PDIA5: variants seen among roughly 807,000 people sequenced by gnomAD.
The protein encoded by PDIA5 is protein disulfide-isomerase A5.
PDIA5 carries 58 observed loss-of-function variants against 77.6 expected under a neutral mutation model. The ratio of observed to expected loss-of-function variants is 0.75; its 90% CI spans 0.61 to 0.93. The LOEUF (loss-of-function observed/expected upper bound fraction) is 0.93, where lower values mean the gene tolerates loss of function less well. PDIA5 is among the 40% of genes least tolerant of loss of function. PDIA5 has a pLI of 0.00. For synonymous variants in PDIA5, 250 were observed against 252.1 expected, an observed-to-expected ratio of 0.99 and a Z score of 0.08; for missense variants, 630 against 647.7, an observed-to-expected ratio of 0.97 and a Z score of 0.30.
chr3:123,096,092 T>G (rs1934429453), intron 3 of PDIA5, among the ~76,000 whole-genome samples: 1 of 152,092 alleles, frequency 6.6e-6, no homozygotes, highest in African/African-American at 2.4e-5. Context: ...GTGCCTATCC[T>G]TCTCTCTGAG....
intron 3 of PDIA5, among the ~76,000 whole-genome samples, chr3:123,101,164 GC>G (rs897190285): frequency 2.6e-5 from 4 of 152,224 alleles, no homozygotes; most frequent in African/African-American, 9.7e-5. Context: ...AAGAACATGA[GC>G]CAGTGAAGGA....
intron 10 of PDIA5, among the ~76,000 whole-genome samples, chr3:123,126,648 C>T (rs917976496): frequency 6.6e-6 from 1 of 152,194 alleles, no homozygotes; most frequent in African/African-American, 2.4e-5. Context: ...TCCTTTTGGG[C>T]AGTAGTGACC....
In PDIA5 at chr3:123,124,379, C is replaced by G. The variant is rs758199626; in HGVS notation, c.773+36C>G. 4.0e-6 allele frequency: 6 copies of G among 1,501,654 alleles called. No individual in the cohort carries two copies. The Admixed American group carries it at 8.4e-5, about 21-fold the overall frequency. 93.0% of individuals were successfully genotyped at this position (1,501,654 alleles called of 1,614,324 possible). On this transcript the variant is annotated intron_variant, in intron 10 of 16. Coordinates refer to ENST00000316218, the MANE Select transcript of PDIA5 (RefSeq NM_006810.4). ...TGTGTGTGTGTCAGTGGGCGTGGAC[C>G]CAGAGGGCGGGGCATCTGCCGGGCC...
chr3:123,089,819 C>T (rs1934237622), intron 2 of PDIA5, among the ~76,000 whole-genome samples: 1 of 152,202 alleles, frequency 6.6e-6, no homozygotes, highest in African/African-American at 2.4e-5. Flanking sequence ...GGAGTGGGCT[C>T]TAAGCTTGGG....
chr3:123,138,174 G>C (rs567062772), intron 11 of PDIA5, among the ~76,000 whole-genome samples: 3 of 152,182 alleles, frequency 2.0e-5, no homozygotes, highest in Admixed American at 2.0e-4. Context: ...TCAAACTCCT[G>C]ACCTCAAGCA....
intron 3 of PDIA5, among the ~76,000 whole-genome samples, chr3:123,096,479 G>A (rs1190948430): frequency 6.6e-5 from 10 of 152,144 alleles, no homozygotes; most frequent in East Asian, 3.9e-4. Context: ...ATGCGCCACC[G>A]TGCCTGGCCT....
At chr3:123,122,406 T>A (rs1459155597) in intron 8 of PDIA5, among the ~76,000 whole-genome samples, 2 of 152,220 alleles carry the variant, frequency 1.3e-5, no homozygotes, top group Admixed American at 1.3e-4. Flanking sequence ...TCAAATTTAT[T>A]CTTCCTGTAT....
chr3:123,096,762 C>T (rs1156911074), intron 3 of PDIA5, among the ~76,000 whole-genome samples: 4 of 152,306 alleles, frequency 2.6e-5, no homozygotes, highest in East Asian at 1.9e-4. Flanking sequence ...TCAACAGCCA[C>T]GCTCAGTCTG....
intron 11 of PDIA5, among the ~76,000 whole-genome samples, chr3:123,144,318 T>C (rs1012507800): frequency 2.8e-4 from 42 of 152,210 alleles, no homozygotes; most frequent in African/African-American, 8.7e-4. Context: ...CCTGAGAAGG[T>C]TGAGTCACGA....
chr3:123,073,806 G>A (rs886423094), intron 1 of PDIA5, among the ~76,000 whole-genome samples: 8 of 152,224 alleles, frequency 5.3e-5, no homozygotes, highest in Non-Finnish European at 1.2e-4. Context: ...GAATCCTACA[G>A]TTCCTCCAAC....
At chr3:123,148,651 C>CA (rs1479283245) in intron 13 of PDIA5, among the ~76,000 whole-genome samples, 2 of 152,112 alleles carry the variant, frequency 1.3e-5, no homozygotes, top group Non-Finnish European at 2.9e-5. Flanking sequence ...TAAGTGATCA[C>CA]AGCAGCCAGC....
At chr3:123,153,561 T>G (rs1003798878) in intron 14 of PDIA5, among the ~76,000 whole-genome samples, 1 of 152,216 alleles carries the variant, frequency 6.6e-6, no homozygotes, top group African/African-American at 2.4e-5. Context: ...CTAGGCACAT[T>G]GCTAAGCTGT....
intron 2 of PDIA5, 60 bp from the exon 3 acceptor site, chr3:123,092,295 A>G: frequency 1.5e-6 from 2 of 1,359,566 alleles, no homozygotes; most frequent in South Asian, 2.3e-5. Flanking sequence ...GAGGGAAGAT[A>G]GCAGACATGA....
intron 14 of PDIA5, among the ~76,000 whole-genome samples, chr3:123,151,795 G>GCCCTCCTTCCTTCCTGCCTGCCTT (rs1935906276): frequency 1.1e-5 from 1 of 93,396 alleles, no homozygotes; most frequent in African/African-American, 4.5e-5. Context: ...CTGCCTTCCT[G>GCCCTCCTTCCTTCCTGCCTGCCTT]CCTGCCTGCC....
chr3:123,118,620 C>G (rs1002400183), intron 8 of PDIA5, among the ~76,000 whole-genome samples: 8 of 152,180 alleles, frequency 5.3e-5, no homozygotes, highest in South Asian at 2.1e-4. Flanking sequence ...CAGCCAGATA[C>G]GTTCATCTTT....
intron 3 of PDIA5, among the ~76,000 whole-genome samples, chr3:123,096,950 C>T (rs919473385): frequency 7.9e-5 from 12 of 152,202 alleles, no homozygotes; most frequent in African/African-American, 2.2e-4. Flanking sequence ...GGCTGCGTCT[C>T]ACAGGGGGCA....
intron 1 of PDIA5, among the ~76,000 whole-genome samples, chr3:123,084,352 A>G (rs1481413099): frequency 6.6e-6 from 1 of 151,750 alleles, no homozygotes; most frequent in Non-Finnish European, 1.5e-5. Context: ...CAGGGACTTC[A>G]CAGCCTTTGG....
At chr3:123,120,721 A>C (rs1560531397) in intron 8 of PDIA5, among the ~76,000 whole-genome samples, 2 of 152,176 alleles carry the variant, frequency 1.3e-5, no homozygotes, top group Non-Finnish European at 2.9e-5. Context: ...TGCATGTCTG[A>C]AAATTCAGTA....
intron 14 of PDIA5, among the ~76,000 whole-genome samples, chr3:123,154,527 A>T (rs1935976582): frequency 1.3e-5 from 2 of 151,738 alleles, no homozygotes; most frequent in African/African-American, 4.8e-5. Context: ...AAATCCCCCC[A>T]CCCTGCATTT....
Sources: gnomAD v4.1 joint callset for allele counts (sites outside exome capture counted in the v4.1 genomes callset) on GRCh38, gnomAD v4.1.1 for gene constraint, MANE v1.5 for transcripts, NCBI Gene and HGNC (gene_info 2026-07-23, HGNC 2026-07-21) for gene names.